The following RAB18 variants were observed in gnomAD, a reference collection of about 807,000 sequenced individuals.
RAB18 encodes ras-related protein Rab-18.
Under a neutral mutation model 28.5 loss-of-function variants are expected in RAB18, and 10 were observed. The observed-to-expected ratio is 0.35, with a 90% CI of 0.22 to 0.60. RAB18 has a LOEUF of 0.60. RAB18 is among the 20% of genes least tolerant of loss of function. RAB18 has a pLI of 0.78. For synonymous variants in RAB18, 93 were observed against 86.9 expected, an observed-to-expected ratio of 1.07 and a Z score of -0.39; for missense variants, 188 against 244.2, an observed-to-expected ratio of 0.77 and a Z score of 1.53.
Position 27,538,692 on chromosome 10 carries a change from TA to T in RAB18, c.*643del, listed in dbSNP as rs1388338065. 2.2e-6 allele frequency: 1 copy of T among 454,054 alleles called. No homozygotes were observed. Among genetic ancestry groups the T allele is most frequent in the Non-Finnish European group, 4.4e-6 (1 of 226,762 alleles). The allele number at this position is 454,054 out of a possible 1,614,324, so 28.1% of individuals were successfully genotyped here. On this transcript the variant is annotated 3_prime_UTR_variant, in exon 7 of 7. Transcript: ENST00000356940. ...TACTTCAATGATTAGCTCAGTTGCT[TA>T]ACTGGAGTTTTAATCCTGTGATATG...
In RAB18 at chr10:27,538,346, T is replaced by G; in HGVS notation, c.*295T>G. 2 of 511,076 alleles carry G rather than the reference T, an allele frequency of 3.9e-6. No individual in the cohort carries two copies. Among genetic ancestry groups the G allele is most frequent in the East Asian group, 5.2e-5 (1 of 19,342 alleles). 31.7% of individuals were successfully genotyped at this position (511,076 alleles called of 1,614,324 possible). A position where few individuals can be genotyped will look rare whatever the true frequency, so the allele number is the denominator to read the frequency against. ...TAATTTTTAAAAAAATCCATCTATC[T>G]AGGATATGTTGATACAAAGTCTGCT... On this transcript the variant is annotated 3_prime_UTR_variant, in exon 7 of 7. Coordinates refer to ENST00000356940, the MANE Select transcript of RAB18 (RefSeq NM_021252.5).
At chr10:27,514,263 C>T (rs1195921592) in intron 2 of RAB18, 1 of 152,128 alleles carries the variant, frequency 6.6e-6, no homozygotes, top group Non-Finnish European at 1.5e-5. Context: ...AGATGAAGAA[C>T]AGTAACCTAA....
chr10:27,516,440 C>T (rs1170994131), intron 2 of RAB18, among the ~76,000 whole-genome samples: 2 of 151,970 alleles, frequency 1.3e-5, no homozygotes, highest in African/African-American at 2.4e-5. Flanking sequence ...TGTGTGTAAT[C>T]CCAGGTACCT....
intron 3 of RAB18, among the ~76,000 whole-genome samples, chr10:27,527,944 CT>C (rs1834711920): frequency 6.6e-6 from 1 of 152,216 alleles, no homozygotes; most frequent in African/African-American, 2.4e-5. Context: ...CTGTTTGCCC[CT>C]TTCCCCCAAA....
At chr10:27,526,075 G>A (rs1025392471) in intron 2 of RAB18, among the ~76,000 whole-genome samples, 2 of 152,138 alleles carry the variant, frequency 1.3e-5, no homozygotes, top group Admixed American at 6.5e-5. Flanking sequence ...GAAAGGGAGA[G>A]GTTTCTTTTT....
At chr10:27,534,102 T>A (rs887155329) in intron 6 of RAB18, 108 bp downstream of exon 6, 2 of 1,053,286 alleles carry the variant, frequency 1.9e-6, no homozygotes, top group African/African-American at 1.6e-5. Context: ...TTTAGAGTAT[T>A]GTTCCTAGTT....
rs757813326 is a variant in RAB18 at position 27,538,368 on chromosome 10, T to A, written c.*317T>A. The A allele has an allele frequency of 4.1e-6, 2 of 487,726 alleles. No individual in the cohort carries two copies. Among genetic ancestry groups the A allele is most frequent in the Non-Finnish European group, 8.0e-6 (2 of 249,390 alleles). The allele number at this position is 487,726 out of a possible 1,614,324, so 30.2% of individuals were successfully genotyped here. A position where few individuals can be genotyped will look rare whatever the true frequency, so the allele number is the denominator to read the frequency against. On this transcript the variant is annotated 3_prime_UTR_variant, in exon 7 of 7. Coordinates refer to ENST00000356940, the MANE Select transcript of RAB18 (RefSeq NM_021252.5). ...ATCTAGGATATGTTGATACAAAGTC[T>A]GCTTTTGCTATTCTTTTTGCTTAAA...
chr10:27,531,567 G>A, intron 3 of RAB18: 1 of 1,345,744 alleles, frequency 7.4e-7, no homozygotes, highest in Non-Finnish European at 1.0e-6. Context: ...TTTTCTTAAA[G>A]AGCCAGATAG....
In RAB18 at chr10:27,540,876, AG is replaced by A. The variant is rs759308863; in HGVS notation, c.*2828del. 1 of 454,062 alleles carries A rather than the reference AG, an allele frequency of 2.2e-6. No individual in the cohort carries two copies. The highest frequency in any genetic ancestry group is 1.6e-5 in the South Asian group (1 of 64,474). The allele number at this position is 454,062 out of a possible 1,614,324, so 28.1% of individuals were successfully genotyped here. On this transcript the variant is annotated 3_prime_UTR_variant, in exon 7 of 7. Transcript: ENST00000356940. The stretch of plus-strand genomic sequence containing the variant: ...GGTCAAGAGACATGATTCTCTACTA[AG>A]GGTGGGGCTAGCACCATAGCTCATA...
rs779325342 is a variant in RAB18 at position 27,541,050 on chromosome 10, A to T, written c.*2999A>T. On this transcript the variant is annotated 3_prime_UTR_variant, in exon 7 of 7. Coordinates refer to ENST00000356940, the MANE Select transcript of RAB18 (RefSeq NM_021252.5). ...CTCAACAATTCTTCAGGTATTATAG[A>T]TCAGAGATCCTCTCCATATTCAAGC... The T allele has an allele frequency of 2.2e-6, 1 of 453,070 alleles. No individual in the cohort carries two copies. The highest frequency in any genetic ancestry group is 1.6e-5 in the South Asian group (1 of 64,378). The allele number at this position is 453,070 out of a possible 1,614,324, so 28.1% of individuals were successfully genotyped here. A position where few individuals can be genotyped will look rare whatever the true frequency, so the allele number is the denominator to read the frequency against.
chr10:27,533,617 CAATA>C, intron 4 of RAB18, 114 bp from the exon 5 acceptor site: 2 of 1,210,848 alleles, frequency 1.7e-6, no homozygotes, highest in Non-Finnish European at 2.3e-6. Context: ...TCGTTGAAGA[CAATA>C]AAAAAAAGAC....
intron 2 of RAB18, among the ~76,000 whole-genome samples, chr10:27,514,594 A>G (rs957293090): frequency 1.2e-4 from 18 of 152,204 alleles, no homozygotes; most frequent in Non-Finnish European, 1.5e-5. Flanking sequence ...TGAAAATGTT[A>G]AAACGAATTA....
chr10:27,528,454 G>A (rs1158077718), intron 3 of RAB18: 1 of 411,098 alleles, frequency 2.4e-6, no homozygotes, highest in Non-Finnish European at 4.8e-6. Flanking sequence ...AAAATATCAA[G>A]GGATATGTAT....
chr10:27,534,029 T>C (rs769173543), intron 6 of RAB18, 35 bp downstream of exon 6: 4 of 1,538,824 alleles, frequency 2.6e-6, no homozygotes, highest in African/African-American at 1.4e-5. Context: ...CCTTTCATTA[T>C]TAATGAGGAA....
intron 2 of RAB18, among the ~76,000 whole-genome samples, chr10:27,515,934 GTAT>G (rs1834430020): frequency 6.6e-6 from 1 of 152,018 alleles, no homozygotes; most frequent in African/African-American, 2.4e-5. Context: ...GTTGCACATA[GTAT>G]TATTTTAAAC....
Position 27,540,019 on chromosome 10 carries a change from GTTAA to G in RAB18, c.*1971_*1974del. The G allele has an allele frequency of 2.2e-6, 1 of 453,960 alleles. No individual in the cohort carries two copies. Among genetic ancestry groups the G allele is most frequent in the South Asian group, 1.6e-5 (1 of 64,470 alleles). 28.1% of individuals were successfully genotyped at this position (453,960 alleles called of 1,614,324 possible). ...GTCAGGCACCTAGTAACAGGGTTTT[GTTAA>G]TTCTTTTCAGAATCATTGAAGCAGT... On this transcript the variant is annotated 3_prime_UTR_variant, in exon 7 of 7. Transcript: ENST00000356940.
rs1589586915 is a variant in RAB18 at position 27,532,586 on chromosome 10, G to A, written c.259+7G>A. On this transcript the variant is annotated splice_region_variant and intron_variant, in intron 4 of 6. Transcript: ENST00000356940. ...GCACAGGGTGTTATATTAGGTAAGT[G>A]TTTACTTTAATGTACTATTTAAAAA... is the stretch of plus-strand genomic sequence containing the variant. 1.3e-6 allele frequency: 2 copies of A among 1,573,336 alleles called. No homozygotes were observed. The highest frequency in any genetic ancestry group is 2.2e-5 in the South Asian group (2 of 90,096).
intron 3 of RAB18, among the ~76,000 whole-genome samples, chr10:27,532,233 C>A (rs1470479187): frequency 6.6e-6 from 1 of 151,946 alleles, no homozygotes; most frequent in East Asian, 1.9e-4. Flanking sequence ...GAGTTTAGAA[C>A]CATGGGTTTC....
At chr10:27,532,776 G>C (rs1466888743) in intron 4 of RAB18, among the ~76,000 whole-genome samples, 197 bp downstream of exon 4, 1 of 151,924 alleles carries the variant, frequency 6.6e-6, no homozygotes, top group Non-Finnish European at 1.5e-5. Context: ...TTAAAAAATA[G>C]ACAAGGCTAA....
Sources: allele counts gnomAD v4.1 joint callset (sites outside exome capture counted in the v4.1 genomes callset), GRCh38; gene constraint gnomAD v4.1.1; transcripts MANE v1.5; gene names NCBI Gene and HGNC (gene_info 2026-07-23, HGNC 2026-07-21).